Variants in PCNX2 observed in about 807,000 individuals in gnomAD.
PCNX2 encodes the protein pecanex-like protein 2.
Under a neutral mutation model 223.8 loss-of-function variants are expected in PCNX2, and 168 were observed. That is an observed-to-expected ratio of 0.75 (90% confidence interval 0.66 to 0.85). PCNX2 has a LOEUF of 0.85. PCNX2 is among the 40% of genes least tolerant of loss of function. The pLI, the probability that PCNX2 is intolerant of heterozygous loss-of-function variation, is 0.00. For synonymous variants in PCNX2, 1,006 were observed against 1,052.6 expected (o/e 0.96, Z 0.86); for missense variants, 2,507 against 2,675.5 (o/e 0.94, Z 1.39).
chr1:233,320,445 GTTCC>G, the PCNX2 span, among the ~76,000 whole-genome samples: 1 of 152,022 alleles, frequency 6.6e-6, no homozygotes, highest in South Asian at 2.1e-4. Context: ...ACACAGTACA[GTTCC>G]ATCCCACAGG....
chr1:233,176,666 AGCCACCTGAGG>A (rs1486278083), intron 17 of PCNX2, among the ~76,000 whole-genome samples: 2 of 152,264 alleles, frequency 1.3e-5, no homozygotes, highest in African/African-American at 2.4e-5. Flanking sequence ...GGCAAACTGC[AGCCACCTGAGG>A]GCCACCTAAG....
chr1:233,222,924 A>G (rs750096289), intron 10 of PCNX2, among the ~76,000 whole-genome samples: 1 of 152,182 alleles, frequency 6.6e-6, no homozygotes, highest in Non-Finnish European at 1.5e-5. Context: ...CAAGTCTGGA[A>G]TTCAGGAGAT....
intron 25 of PCNX2, among the ~76,000 whole-genome samples, chr1:233,048,254 C>T (rs1006765644): frequency 9.2e-5 from 14 of 152,070 alleles, no homozygotes; most frequent in Non-Finnish European, 1.3e-4. Context: ...GTCAGGAGTT[C>T]GAGACCAGCC....
chr1:233,143,625 T>G (rs1347098218), intron 19 of PCNX2, among the ~76,000 whole-genome samples: 1 of 152,174 alleles, frequency 6.6e-6, no homozygotes, highest in Non-Finnish European at 1.5e-5. Context: ...CATGCTCCAG[T>G]TTGAGAACCA....
intron 20 of PCNX2, among the ~76,000 whole-genome samples, chr1:233,138,296 T>C (rs1194227461): frequency 6.6e-6 from 1 of 152,178 alleles, no homozygotes; most frequent in Non-Finnish European, 1.5e-5. Context: ...TCTGAATTAT[T>C]TATTTGACTC....
rs375015366 is a variant in PCNX2, at chr1:233,201,446, A to G, written c.2864-1182T>C. 2.6e-5 allele frequency: 4 copies of G among 152,344 alleles called. No homozygotes were observed. In the East Asian group the frequency reaches 7.7e-4, roughly 29 times the overall value. The allele number at this position is 152,344 out of a possible 1,614,324, so 9.4% of individuals were successfully genotyped here. On this transcript the variant is annotated intron_variant, in intron 13 of 33. Coordinates refer to ENST00000258229, the MANE Select transcript of PCNX2 (RefSeq NM_014801.4). ...TTCAGTTTCTATCAATAGAAAGGAG[A>G]GATACAAGAAATAAATAGAAATTTA...
Position 232,983,569 on chromosome 1 carries a change from A to G in PCNX2, c.*735T>C, listed in dbSNP as rs1439344656. On this transcript the variant is annotated 3_prime_UTR_variant, in exon 34 of 34. Transcript: ENST00000258229. The stretch of plus-strand genomic sequence containing the variant: ...TGCTGGCGGCCCACCAATCGCCTGG[A>G]CTACAGTGAGGAGCATTGTGTGACT... The G allele has an allele frequency of 2.0e-5, 3 of 152,192 alleles. No homozygotes were observed. Among genetic ancestry groups the G allele is most frequent in the African/African-American group, 4.8e-5 (2 of 41,448 alleles). The allele number at this position is 152,192 out of a possible 1,614,324, so 9.4% of individuals were successfully genotyped here. A position where few individuals can be genotyped will look rare whatever the true frequency, so the allele number is the denominator to read the frequency against.
intron 23 of PCNX2, among the ~76,000 whole-genome samples, chr1:233,089,575 C>T (rs1673766653): frequency 6.6e-6 from 1 of 152,204 alleles, no homozygotes; most frequent in Non-Finnish European, 1.5e-5. Flanking sequence ...AAATCATCTT[C>T]ACTTTTATGC....
At chr1:233,249,568 A>T (rs1234620599) in intron 8 of PCNX2, among the ~76,000 whole-genome samples, 1 of 152,154 alleles carries the variant, frequency 6.6e-6, no homozygotes, top group African/African-American at 2.4e-5. Context: ...GGAGAAGAAG[A>T]AGTTTGTGAT....
chr1:233,146,301 G>C (rs1390671442), intron 19 of PCNX2, among the ~76,000 whole-genome samples: 2 of 152,088 alleles, frequency 1.3e-5, no homozygotes, highest in Non-Finnish European at 2.9e-5. Flanking sequence ...TTTGGTAAAT[G>C]ATTATTACCT....
chr1:232,993,860 C>T (rs1669788613), intron 32 of PCNX2, among the ~76,000 whole-genome samples: 2 of 152,226 alleles, frequency 1.3e-5, no homozygotes, highest in Admixed American at 6.5e-5. Context: ...GCCATTGCTT[C>T]AGAGGGTGCA....
At chr1:233,233,782 G>A (rs528020860) in intron 9 of PCNX2, among the ~76,000 whole-genome samples, 63 of 151,982 alleles carry the variant, frequency 4.1e-4, no homozygotes, top group African/African-American at 1.5e-3. Flanking sequence ...CTTATCTCCT[G>A]CTTGCTTTTG....
intron 25 of PCNX2, 120 bp downstream of exon 25, chr1:233,054,148 A>G (rs1278786460): frequency 3.6e-6 from 3 of 832,666 alleles, no homozygotes; most frequent in Non-Finnish European, 5.7e-6. Flanking sequence ...TGGCAAGCTC[A>G]CTTTCAGTAG....
intron 23 of PCNX2, among the ~76,000 whole-genome samples, chr1:233,081,912 C>T (rs1226513503): frequency 6.6e-6 from 1 of 152,158 alleles, no homozygotes; most frequent in African/African-American, 2.4e-5. Context: ...ACAGGCCTCT[C>T]TGGCCACACA....
rs149682388 is a variant in PCNX2 at position 233,135,906 on chromosome 1, G to T, written c.3660-716C>A. 1.8e-4 allele frequency among the ~76,000 whole-genome samples: 28 copies of T among 152,302 alleles called. 1 individual carries two copies. The highest frequency in any genetic ancestry group is 6.7e-4 in the African/African-American group (28 of 41,564). On this transcript the variant is annotated intron_variant, in intron 20 of 33. Transcript: ENST00000258229. ...TAAGGAGCTCAGCAAAACAGGCAAAGAAATACCCTTCTAGGATTTTGCTTT... is the reference window on the plus strand; with the variant it reads ...TAAGGAGCTCAGCAAAACAGGCAAATAAATACCCTTCTAGGATTTTGCTTT...
intron 26 of PCNX2, 139 bp downstream of exon 26, chr1:233,025,007 G>T: frequency 1.7e-6 from 2 of 1,176,098 alleles, no homozygotes; most frequent in Non-Finnish European, 2.4e-6. Flanking sequence ...CAAAAGCAAT[G>T]GTTCCCCAGA....
At chr1:233,322,276 T>C in the PCNX2 span, among the ~76,000 whole-genome samples, 1 of 152,216 alleles carries the variant, frequency 6.6e-6, no homozygotes, top group Non-Finnish European at 1.5e-5. Context: ...TTGCGATATA[T>C]GTCCTTGGTG....
chr1:233,252,677 C>A lies in PCNX2; in HGVS notation c.1946G>T (p.Gly649Val). ...CTTGGCAGGCTGAGTGCATGCGGGG[C>A]CGGTGCTAGTATGGTCTTGACTTTG... Reference protein sequence around the residue: ...DLQSQDHTSTGPACTQPAKTT... With the variant: ...DLQSQDHTSTVPACTQPAKTT... Residue 649 changes from glycine to valine, a missense_variant, in exon 6 of 34, where the codon GGC becomes GTC. Around this residue, in one of 3 missense-constraint regions of PCNX2, gnomAD observed 1,031 missense variants for 1,021.7 expected, o/e 1.01. Transcript: ENST00000258229. 6.2e-7 allele frequency: 1 copy of A among 1,613,626 alleles called. No homozygotes were observed. The highest frequency in any genetic ancestry group is 8.5e-7 in the Non-Finnish European group (1 of 1,179,782).
intron 25 of PCNX2, among the ~76,000 whole-genome samples, chr1:233,041,309 C>A (rs1671636858): frequency 2.6e-5 from 4 of 152,158 alleles, no homozygotes; most frequent in Admixed American, 1.3e-4. Context: ...ACAGGTTGAA[C>A]ATCCCAAATT....
Sources: allele counts gnomAD v4.1 joint callset (sites outside exome capture counted in the v4.1 genomes callset), GRCh38; gene constraint gnomAD v4.1.1; regional missense constraint gnomAD v4.1.1; transcripts MANE v1.5; gene names NCBI Gene and HGNC (gene_info 2026-07-23, HGNC 2026-07-21).